The following PRKAR1B variants were observed in gnomAD, a reference collection of about 807,000 sequenced individuals.
The protein encoded by PRKAR1B is protein kinase cAMP-dependent type I regulatory subunit beta.
PRKAR1B carries 22 observed loss-of-function variants against 46.5 expected under a neutral mutation model. The ratio of observed to expected loss-of-function variants is 0.47; its 90% CI spans 0.34 to 0.68. The LOEUF is 0.68. Ranked by LOEUF, PRKAR1B falls within the 30% of genes least tolerant of loss-of-function variation. The pLI is 0.01. For synonymous variants in PRKAR1B, 259 were observed against 217.7 expected (o/e 1.19, Z -1.67); for missense variants, 445 against 535.6 (o/e 0.83, Z 1.67).
At chr7:717,187 G>A (rs1485674666) in intron 1 of PRKAR1B, among the ~76,000 whole-genome samples, 1 of 151,896 alleles carries the variant, frequency 6.6e-6, no homozygotes, top group Non-Finnish European at 1.5e-5. Context: ...TACTTGGGAG[G>A]CTGAGGCAGG....
At chr7:632,307 G>T (rs1277531253) in intron 4 of PRKAR1B, among the ~76,000 whole-genome samples, 9 of 152,164 alleles carry the variant, frequency 5.9e-5, no homozygotes, top group African/African-American at 2.2e-4. Context: ...CAAGGGGCGT[G>T]GAGACCACCC....
intron 4 of PRKAR1B, among the ~76,000 whole-genome samples, chr7:621,262 G>T (rs1348774463): frequency 6.6e-6 from 1 of 152,136 alleles, no homozygotes; most frequent in East Asian, 1.9e-4. Context: ...AGAACCCTTT[G>T]GGAGGAAAGG....
chr7:550,315 G>T lies in PRKAR1B; in HGVS notation c.*115C>A. On this transcript the variant is annotated 3_prime_UTR_variant, in exon 11 of 11. Coordinates refer to ENST00000537384, the MANE Select transcript of PRKAR1B (RefSeq NM_001164760.2). ...GGGAAGGGGCAGTCCTCACGCTGCC[G>T]GGACCCAGCCCCACCCGGCCCACAC... 1 of 899,278 alleles carries T rather than the reference G, an allele frequency of 1.1e-6. No individual in the cohort carries two copies. Among genetic ancestry groups the T allele is most frequent in the Non-Finnish European group, 1.7e-6 (1 of 581,006 alleles). The allele number at this position is 899,278 out of a possible 1,614,324, so 55.7% of individuals were successfully genotyped here. A position where few individuals can be genotyped will look rare whatever the true frequency, so the allele number is the denominator to read the frequency against.
chr7:610,239 A>G (rs1452192692), intron 4 of PRKAR1B, among the ~76,000 whole-genome samples: 2 of 152,158 alleles, frequency 1.3e-5, no homozygotes, highest in African/African-American at 4.8e-5. Context: ...TGCTTCTACC[A>G]CAGCCTAAGC....
intron 1 of PRKAR1B, chr7:726,805 C>T (rs1781313186): frequency 9.9e-6 from 13 of 1,313,968 alleles, no homozygotes; most frequent in Non-Finnish European, 1.1e-5. Flanking sequence ...GGAGCTGAGC[C>T]GCGCCCTGAG....
Position 714,217 on chromosome 7 carries a change from C to G in PRKAR1B, c.-22-2690G>C, listed in dbSNP as rs977552152. Among the ~76,000 whole-genome samples the G allele has an allele frequency of 6.6e-6, 1 of 152,214 alleles. No individual in the cohort carries two copies. Among genetic ancestry groups the G allele is most frequent in the African/African-American group, 2.4e-5 (1 of 41,450 alleles). On this transcript the variant is annotated intron_variant, in intron 1 of 10. Transcript: ENST00000537384. The surrounding 1 kb of genome is among the most constrained non-coding windows in gnomAD (Gnocchi z 4.3). Reference sequence around the variant, plus strand: ...AGATGCTCCAGGCCTGGCTGCTTCTCTCCCGGGCTGTCCTGGGGTTCTCTG... The same window carrying G: ...AGATGCTCCAGGCCTGGCTGCTTCTGTCCCGGGCTGTCCTGGGGTTCTCTG...
At chr7:723,672 G>C (rs1781152612) in intron 1 of PRKAR1B, among the ~76,000 whole-genome samples, 1 of 152,106 alleles carries the variant, frequency 6.6e-6, no homozygotes, top group Non-Finnish European at 1.5e-5. Flanking sequence ...AAGCCAAAGG[G>C]GTCCTTGAAA....
At position 606,107 on chromosome 7, in the gene PRKAR1B, G is replaced by C. The variant is rs190471417; in HGVS notation, c.549+86C>G. The C allele has an allele frequency of 2.9e-3, 3,802 of 1,328,484 alleles. 12 individuals carry two copies. The highest frequency in any genetic ancestry group is 3.5e-3 in the Non-Finnish European group (3,191 of 922,568). 82.3% of individuals were successfully genotyped at this position (1,328,484 alleles called of 1,614,324 possible). ...ACGGCACTCAGCGCAGTGTTTGTTG[G>C]GGGCCTGGTGCTGCCTGGAGGGCAA... is the stretch of plus-strand genomic sequence containing the variant. On this transcript the variant is annotated intron_variant, in intron 6 of 10. Transcript: ENST00000537384.
At chr7:710,142 G>A (rs935586746) in intron 2 of PRKAR1B, among the ~76,000 whole-genome samples, 1 of 152,152 alleles carries the variant, frequency 6.6e-6, no homozygotes, top group African/African-American at 2.4e-5. Flanking sequence ...GTGATCACAG[G>A]AGGCCCCTGT....
At chr7:559,343 G>A (rs1033935823) in intron 9 of PRKAR1B, among the ~76,000 whole-genome samples, 3 of 152,176 alleles carry the variant, frequency 2.0e-5, no homozygotes, top group East Asian at 1.9e-4. Flanking sequence ...ATCCCAGGCC[G>A]AGAGAGGGGC....
chr7:703,027 T>C (rs1039466947), intron 2 of PRKAR1B, among the ~76,000 whole-genome samples: 2 of 152,096 alleles, frequency 1.3e-5, no homozygotes, highest in African/African-American at 2.4e-5. Context: ...ATGCTATCTA[T>C]AAGACACACA....
chr7:648,172 AC>A (rs1254104699), intron 4 of PRKAR1B, among the ~76,000 whole-genome samples: 4 of 151,930 alleles, frequency 2.6e-5, no homozygotes, highest in African/African-American at 9.7e-5. Flanking sequence ...AAAATCTTAA[AC>A]TACGTACCTC....
intron 2 of PRKAR1B, among the ~76,000 whole-genome samples, chr7:687,426 A>T (rs542575806): frequency 6.6e-6 from 1 of 152,320 alleles, no homozygotes; most frequent in East Asian, 1.9e-4. Flanking sequence ...TAAAAATTGG[A>T]ACTAAGAACT....
chr7:712,447 T>TGCGCGGGGACGCGGG (rs1465171722), intron 1 of PRKAR1B: 2 of 147,222 alleles, frequency 1.4e-5, no homozygotes, highest in African/African-American at 2.5e-5. Flanking sequence ...AGGAGGCGGC[T>TGCGCGGGGACGCGGG]GCGCGGGGAC....
chr7:604,601 A>G (rs1781889979), intron 6 of PRKAR1B, among the ~76,000 whole-genome samples: 1 of 152,154 alleles, frequency 6.6e-6, no homozygotes, highest in Non-Finnish European at 1.5e-5. Flanking sequence ...GGGACCCCTG[A>G]GTCATTTCCT....
intron 4 of PRKAR1B, among the ~76,000 whole-genome samples, chr7:665,453 T>C (rs565859483): frequency 1.3e-5 from 2 of 152,174 alleles, no homozygotes; most frequent in Non-Finnish European, 2.9e-5. Context: ...GACTGGCCAT[T>C]GCATACATCA....
At chr7:723,473 C>T (rs558976901) in intron 1 of PRKAR1B, among the ~76,000 whole-genome samples, 43 of 152,330 alleles carry the variant, frequency 2.8e-4, no homozygotes, top group African/African-American at 1.0e-3. Context: ...CCAGAGGTCT[C>T]CAGCCCGTCT....
At chr7:588,152 G>A (rs964896792) in intron 7 of PRKAR1B, among the ~76,000 whole-genome samples, 2 of 152,330 alleles carry the variant, frequency 1.3e-5, no homozygotes, top group South Asian at 2.1e-4. Context: ...CAGATCAGAC[G>A]ACTGAGCCCA....
intron 2 of PRKAR1B, among the ~76,000 whole-genome samples, chr7:702,361 A>G (rs1217671789): frequency 1.3e-5 from 2 of 152,230 alleles, no homozygotes; most frequent in Non-Finnish European, 2.9e-5. Flanking sequence ...CCTAAATCCA[A>G]CCATATCAAT....
Sources: allele counts gnomAD v4.1 joint callset (sites outside exome capture counted in the v4.1 genomes callset), GRCh38; gene constraint gnomAD v4.1.1; non-coding constraint Gnocchi (gnomAD v3.1); transcripts MANE v1.5; gene names NCBI Gene and HGNC (gene_info 2026-07-23, HGNC 2026-07-21).